PTPRD: variants seen among roughly 807,000 people sequenced by gnomAD.
PTPRD encodes the protein protein tyrosine phosphatase receptor type D.
Under a neutral mutation model 214.5 loss-of-function variants are expected in PTPRD, and 34 were observed. That is an observed-to-expected ratio of 0.16 (90% CI 0.12 to 0.21). The LOEUF (loss-of-function observed/expected upper bound fraction) is 0.21, where lower values mean the gene tolerates loss of function less well. Ranked by LOEUF, PTPRD falls within the 10% of genes least tolerant of loss-of-function variation. The pLI, the probability that PTPRD is intolerant of heterozygous loss-of-function variation, is 1.00. For synonymous variants in PTPRD, 1,128 were observed against 845.7 expected (o/e 1.33, Z -5.79); for missense variants, 2,545 against 2,398.7 (o/e 1.06, Z -1.27).
At chr9:8,511,014 ATATG>A (rs749068643) in intron 21 of PTPRD, among the ~76,000 whole-genome samples, 4 of 152,008 alleles carry the variant, frequency 2.6e-5, no homozygotes, top group Admixed American at 6.6e-5. Context: ...TTCTCTCTAT[ATATG>A]TATTTATACA....
At chr9:10,379,247 T>A (rs533137521) in intron 2 of PTPRD, among the ~76,000 whole-genome samples, 95 of 151,790 alleles carry the variant, frequency 6.3e-4, no homozygotes, top group African/African-American at 2.2e-3. Flanking sequence ...AATAGTTTTT[T>A]TTGTGTGTGT....
chr9:9,842,194 A>C (rs1395611021), intron 5 of PTPRD, among the ~76,000 whole-genome samples: 1 of 151,832 alleles, frequency 6.6e-6, no homozygotes, highest in Non-Finnish European at 1.5e-5. Flanking sequence ...AGGCTTTTCA[A>C]GTCTGCTTCT....
intron 11 of PTPRD, among the ~76,000 whole-genome samples, chr9:8,785,699 A>C (rs2154498653): frequency 6.6e-6 from 1 of 152,374 alleles, no homozygotes; most frequent in South Asian, 2.1e-4. Flanking sequence ...ACTGTGGCTA[A>C]ACAAGGAGTG....
At chr9:10,049,749 G>A (rs770850848) in intron 3 of PTPRD, among the ~76,000 whole-genome samples, 2 of 152,144 alleles carry the variant, frequency 1.3e-5, no homozygotes, top group Non-Finnish European at 2.9e-5. Context: ...AACCTTTATA[G>A]CAGTGCTACC....
intron 14 of PTPRD, among the ~76,000 whole-genome samples, chr9:8,545,238 T>C (rs1216613880): frequency 6.6e-6 from 1 of 152,222 alleles, no homozygotes; most frequent in African/African-American, 2.4e-5. Context: ...TTCGTTTTCA[T>C]ACTTATATTT....
chr9:9,454,164 A>G (rs377323650), intron 8 of PTPRD, among the ~76,000 whole-genome samples: 2 of 151,854 alleles, frequency 1.3e-5, no homozygotes, highest in South Asian at 2.1e-4. Flanking sequence ...CAAATTGAGC[A>G]TCTTTGAGTT....
intron 30 of PTPRD, among the ~76,000 whole-genome samples, chr9:8,478,712 C>T (rs773515856): frequency 6.6e-6 from 1 of 152,152 alleles, no homozygotes; most frequent in Non-Finnish European, 1.5e-5. Flanking sequence ...CTTGCAGTAT[C>T]CTTAAGGCTG....
At chr9:8,833,545 T>TG (rs2097342393) in intron 11 of PTPRD, among the ~76,000 whole-genome samples, 1 of 151,540 alleles carries the variant, frequency 6.6e-6, no homozygotes, top group East Asian at 1.9e-4. Flanking sequence ...TTTCATTTTT[T>TG]TTTCTCACTT....
chr9:8,766,243 G>A (rs935296821), intron 11 of PTPRD, among the ~76,000 whole-genome samples: 1 of 151,704 alleles, frequency 6.6e-6, no homozygotes, highest in Non-Finnish European at 1.5e-5. Context: ...TGGAGTGTGT[G>A]CATACTCCCC....
intron 3 of PTPRD, among the ~76,000 whole-genome samples, chr9:10,111,233 T>TTTA: frequency 8.8e-6 from 1 of 113,896 alleles, no homozygotes; most frequent in African/African-American, 3.4e-5. Context: ...TAGTTTCTTT[T>TTTA]TTTTTTTTTT....
At chr9:10,318,856 T>A (rs1596998371) in intron 3 of PTPRD, among the ~76,000 whole-genome samples, 1 of 152,198 alleles carries the variant, frequency 6.6e-6, no homozygotes, top group East Asian at 1.9e-4. Context: ...TAGCAGAGAA[T>A]GTTTCCTTGT....
At chr9:8,686,668 A>T (rs2097687739) in intron 12 of PTPRD, among the ~76,000 whole-genome samples, 1 of 152,180 alleles carries the variant, frequency 6.6e-6, no homozygotes, top group African/African-American at 2.4e-5. Context: ...TTTGACTAAG[A>T]GGTCCAGAAA....
chr9:10,531,192 C>CTG (rs1566770616), intron 2 of PTPRD, among the ~76,000 whole-genome samples: 1 of 151,732 alleles, frequency 6.6e-6, no homozygotes, highest in Non-Finnish European at 1.5e-5. Flanking sequence ...TCAAGTGATC[C>CTG]GCCCTCCTCA....
chr9:10,563,994 C>T (rs1263430638), intron 2 of PTPRD, among the ~76,000 whole-genome samples: 1 of 151,304 alleles, frequency 6.6e-6, no homozygotes, highest in African/African-American at 2.4e-5. Flanking sequence ...TTTCCCCTAC[C>T]TACATCCTCT....
intron 10 of PTPRD, among the ~76,000 whole-genome samples, chr9:9,050,588 T>C (rs1184839061): frequency 1.3e-5 from 2 of 152,096 alleles, no homozygotes; most frequent in African/African-American, 4.8e-5. Context: ...GCAATAAAAA[T>C]TGTATACATT....
At chr9:10,363,831 G>A (rs892393188) in intron 2 of PTPRD, among the ~76,000 whole-genome samples, 1 of 151,900 alleles carries the variant, frequency 6.6e-6, no homozygotes, top group African/African-American at 2.4e-5. Context: ...TAGATGCTAT[G>A]GAAAATTTTA....
chr9:9,515,843 A>G (rs930318657), intron 8 of PTPRD, among the ~76,000 whole-genome samples: 4 of 152,116 alleles, frequency 2.6e-5, no homozygotes, highest in African/African-American at 7.2e-5. Flanking sequence ...TGTTCTTTGT[A>G]TGGTAATTAA....
intron 9 of PTPRD, among the ~76,000 whole-genome samples, chr9:9,244,685 A>G (rs1324049822): frequency 6.6e-6 from 1 of 152,160 alleles, no homozygotes; most frequent in African/African-American, 2.4e-5. Context: ...TAAAAACCCT[A>G]GAAGAAAACC....
At chr9:9,270,005 T>A (rs563156433) in intron 9 of PTPRD, among the ~76,000 whole-genome samples, 1 of 150,482 alleles carries the variant, frequency 6.6e-6, no homozygotes, top group South Asian at 2.1e-4. Context: ...TTTATTTTGT[T>A]ACTATATAAT....
Sources: gnomAD v4.1 joint callset for allele counts (sites outside exome capture counted in the v4.1 genomes callset) on GRCh38, gnomAD v4.1.1 for gene constraint, MANE v1.5 for transcripts, NCBI Gene and HGNC (gene_info 2026-07-23, HGNC 2026-07-21) for gene names.